Variants in CCDC77 observed in about 807,000 individuals in gnomAD.
The protein encoded by CCDC77 is coiled-coil domain-containing protein 77.
Under a neutral mutation model 66.8 loss-of-function variants are expected in CCDC77, and 56 were observed. That is an observed-to-expected ratio of 0.84 (90% CI 0.68 to 1.05). The LOEUF (loss-of-function observed/expected upper bound fraction) is 1.05. Among genes scored for constraint, CCDC77 ranks in the 50% least tolerant of loss-of-function variants. CCDC77 has a pLI of 0.00. For missense variants in CCDC77, 570 were observed against 576.8 expected (o/e 0.99, Z 0.12); for synonymous variants, 196 against 195.2 (o/e 1.00, Z -0.03).
At chr12:422,910 G>A (rs912824613) in intron 5 of CCDC77, among the ~76,000 whole-genome samples, 5 of 152,014 alleles carry the variant, frequency 3.3e-5, no homozygotes, top group Non-Finnish European at 5.9e-5. Context: ...TACTGTGCCC[G>A]GCTGAGACCT....
chr12:435,087 C>G lies in CCDC77; in HGVS notation c.821+1765C>G, dbSNP rs1170373717. Among the ~76,000 whole-genome samples the G allele has an allele frequency of 1.8e-5, 2 of 113,494 alleles. 1 individual carries two copies. Among genetic ancestry groups the G allele is most frequent in the Non-Finnish European group, 3.7e-5 (2 of 54,318 alleles). The allele number at this position is 113,494 out of a possible 152,430, so 74.5% of individuals were successfully genotyped here. On this transcript the variant is annotated intron_variant, in intron 9 of 12. Transcript: ENST00000239830. ...CATGGTATCACATGTATTCCGTTTC[C>G]AAATGCTCCCATCCCCGTCTCAAGC...
chr12:402,879 C>T (rs1167952100), intron 1 of CCDC77, among the ~76,000 whole-genome samples: 1 of 152,080 alleles, frequency 6.6e-6, no homozygotes, highest in Non-Finnish European at 1.5e-5. Context: ...TGCCAACTCC[C>T]GGTTGCTTGG....
intron 5 of CCDC77, among the ~76,000 whole-genome samples, chr12:420,211 AG>A (rs1945372445): frequency 5.9e-5 from 1 of 16,912 alleles, no homozygotes. Flanking sequence ...CACACATAGC[AG>A]CACCCTCCAT....
upstream of CCDC77, among the ~76,000 whole-genome samples, chr12:397,319 G>T (rs1444329257): frequency 2.0e-5 from 3 of 152,142 alleles, no homozygotes; most frequent in East Asian, 5.8e-4. Context: ...GGCTCACCAT[G>T]ACTTGATTTT....
At chr12:414,049 A>G (rs904345553) in intron 4 of CCDC77, among the ~76,000 whole-genome samples, 1 of 149,488 alleles carries the variant, frequency 6.7e-6, no homozygotes, top group African/African-American at 2.5e-5. Flanking sequence ...AGTGTCTGTC[A>G]CTTTTGACCT....
chr12:399,235 G>A (rs989367511), upstream of CCDC77, among the ~76,000 whole-genome samples: 6 of 151,678 alleles, frequency 4.0e-5, no homozygotes, highest in Admixed American at 1.3e-4. Context: ...GCAATGGCAC[G>A]ATCTCAGTTC....
At chr12:391,785 A>G (rs1944759063) in intron 1 of CCDC77, among the ~76,000 whole-genome samples, 1 of 152,224 alleles carries the variant, frequency 6.6e-6, no homozygotes, top group Non-Finnish European at 1.5e-5. Flanking sequence ...AATCATTTTT[A>G]TTTGCCACAG....
chr12:392,541 C>T (rs569548570), intron 1 of CCDC77, among the ~76,000 whole-genome samples: 2 of 152,074 alleles, frequency 1.3e-5, no homozygotes, highest in Admixed American at 6.6e-5. Flanking sequence ...GTTAGGAGTT[C>T]GAGACCAGCC....
chr12:440,678 T>G lies in CCDC77; in HGVS notation c.1103T>G (p.Ile368Ser). ...KLSNMYQEQCISLEEELARIR... is the reference protein window; with the variant it reads ...KLSNMYQEQCSSLEEELARIR... ...TCCAATATGTACCAAGAGCAGTGCA[T>G]TTCCTTAGAAGAAGAACTTGCCCGA... Residue 368 changes from isoleucine (I) to serine (S), a missense_variant, in exon 11 of 13, where the codon ATT (isoleucine) becomes AGT (serine). Transcript: ENST00000239830. 2.5e-6 allele frequency: 4 copies of G among 1,614,172 alleles called. No homozygotes were observed. Among genetic ancestry groups the G allele is most frequent in the Non-Finnish European group, 3.4e-6 (4 of 1,180,030 alleles).
At chr12:433,468 C>T (rs149213419) in intron 9 of CCDC77, 146 bp downstream of exon 9, 76 of 1,435,550 alleles carry the variant, frequency 5.3e-5, no homozygotes, top group Non-Finnish European at 6.1e-5. Context: ...CCCGCCTCTA[C>T]GTAGGTGAGT....
chr12:402,333 A>G (rs1485316691), intron 1 of CCDC77, among the ~76,000 whole-genome samples: 1 of 152,242 alleles, frequency 6.6e-6, no homozygotes, highest in East Asian at 1.9e-4. Context: ...GTTGACTTGT[A>G]GATAATTTCA....
chr12:401,613 T>A (rs1043239877), upstream of CCDC77: 13 of 152,332 alleles, frequency 8.5e-5, no homozygotes, highest in African/African-American at 3.1e-4. Flanking sequence ...GGACGCTCAG[T>A]GGCGCCGCGC....
intron 4 of CCDC77, among the ~76,000 whole-genome samples, chr12:413,377 C>T (rs1341825578): frequency 6.6e-6 from 1 of 151,042 alleles, no homozygotes. Flanking sequence ...GCTGGGACTA[C>T]TGGTGCCTGC....
Position 441,932 on chromosome 12 carries a change from G to T in CCDC77, c.*12G>T. 4 of 1,613,420 alleles carry T rather than the reference G, an allele frequency of 2.5e-6. No homozygotes were observed. Among genetic ancestry groups the T allele is most frequent in the Non-Finnish European group, 3.4e-6 (4 of 1,179,720 alleles). The stretch of plus-strand genomic sequence containing the variant: ...TTAGACTCTGTTAATGTCTACTTTT[G>T]GAAATGGCCCCCATTTAGAAGAGGT... On this transcript the variant is annotated 3_prime_UTR_variant, in exon 13 of 13. Coordinates refer to ENST00000239830, the MANE Select transcript of CCDC77 (RefSeq NM_032358.4).
rs118013719 is a variant in CCDC77, at chr12:394,378, A to G, written c.-113+4892A>G. On this transcript the variant is annotated intron_variant, in intron 1 of 11. Transcript: ENST00000422000. ...TTACTCCTTTATGAAGGGCATTCTT[A>G]AATGACACTGGCTTTCCCCAGTGAA... 6.6e-5 allele frequency among the ~76,000 whole-genome samples: 10 copies of G among 152,350 alleles called. No homozygotes were observed. In the East Asian group the frequency reaches 1.5e-3, roughly 24 times the overall value.
chr12:435,820 C>T (rs887557831), intron 9 of CCDC77, among the ~76,000 whole-genome samples: 2 of 152,090 alleles, frequency 1.3e-5, no homozygotes, highest in Admixed American at 6.6e-5. Flanking sequence ...CTTACTGCAG[C>T]CTTGAACTCC....
At chr12:408,928 G>A (rs796418019) in intron 2 of CCDC77, among the ~76,000 whole-genome samples, 13 of 152,094 alleles carry the variant, frequency 8.5e-5, no homozygotes, top group African/African-American at 2.2e-4. Context: ...ATTTTAGGCC[G>A]GGCGTGGTGG....
Position 413,606 on chromosome 12 carries a change from T to C in CCDC77, c.270+1628T>C, listed in dbSNP as rs913492737. 3.3e-5 allele frequency among the ~76,000 whole-genome samples: 5 copies of C among 149,806 alleles called. No individual in the cohort carries two copies. The South Asian group carries it at 1.1e-3, about 32-fold the overall frequency. On this transcript the variant is annotated intron_variant, in intron 4 of 12. Transcript: ENST00000239830. ...AGTCACACTTCCAGAATCTTTTGACTTTCCCATTCACTGAATGGGATTTTT... is the reference window on the plus strand; with the variant it reads ...AGTCACACTTCCAGAATCTTTTGACCTTCCCATTCACTGAATGGGATTTTT...
intron 1 of CCDC77, among the ~76,000 whole-genome samples, chr12:395,545 A>T (rs1591952983): frequency 2.0e-5 from 3 of 152,122 alleles, no homozygotes; most frequent in Admixed American, 2.0e-4. Context: ...TACAGAAAAT[A>T]TTTGGAAAAA....
Sources: gnomAD v4.1 joint callset for allele counts (sites outside exome capture counted in the v4.1 genomes callset) on GRCh38, gnomAD v4.1.1 for gene constraint, MANE v1.5 for transcripts, NCBI Gene and HGNC (gene_info 2026-07-23, HGNC 2026-07-21) for gene names.